Variants in KLF17 observed in about 807,000 individuals in gnomAD.
The protein encoded by KLF17 is KLF transcription factor 17.
Under a neutral mutation model 34.2 loss-of-function variants are expected in KLF17, and 31 were observed. The observed-to-expected ratio is 0.91, with a 90% CI of 0.68 to 1.22. The LOEUF (loss-of-function observed/expected upper bound fraction) is 1.22. Ranked by LOEUF, KLF17 falls within the 50% of genes most tolerant of loss-of-function variation. The probability of loss-of-function intolerance (pLI) is 0.00; values close to 1 mark genes in which losing one functional copy is unlikely to be tolerated. For missense variants in KLF17, 478 were observed against 505.2 expected (o/e 0.95, Z 0.52); for synonymous variants, 179 against 186.7 (o/e 0.96, Z 0.34).
chr1:44,087,724 TTATATATATATATA>T, the KLF17 span, among the ~76,000 whole-genome samples: 4,568 of 75,284 alleles, frequency 0.061, 140 homozygotes, highest in East Asian at 0.11. Context: ...CCTATATATT[TTATATATATATATA>T]TATATATATA....
intron 1 of KLF17, among the ~76,000 whole-genome samples, chr1:44,125,500 C>G (rs547055456): frequency 6.6e-6 from 1 of 152,018 alleles, no homozygotes; most frequent in Non-Finnish European, 1.5e-5. Context: ...ATTTTTGAGA[C>G]GGGGTCTCAC....
At chr1:44,065,157 G>T in the KLF17 span, among the ~76,000 whole-genome samples, 5 of 151,756 alleles carry the variant, frequency 3.3e-5, no homozygotes, top group African/African-American at 1.2e-4. Context: ...GCGTGGTAGC[G>T]CACGCCTGTA....
intron 1 of KLF17, among the ~76,000 whole-genome samples, chr1:44,123,241 G>A (rs1306311054): frequency 1.3e-5 from 2 of 151,774 alleles, no homozygotes; most frequent in East Asian, 3.9e-4. Flanking sequence ...GGGTTTTTTT[G>A]TAGAAATGGG....
chr1:44,058,867 C>T, the KLF17 span, among the ~76,000 whole-genome samples: 1 of 151,408 alleles, frequency 6.6e-6, no homozygotes, highest in African/African-American at 2.4e-5. Context: ...TTCAAAAGGC[C>T]CTCCAAGCCT....
the KLF17 span, among the ~76,000 whole-genome samples, chr1:44,093,263 T>C: frequency 2.0e-5 from 3 of 152,164 alleles, no homozygotes; most frequent in Non-Finnish European, 2.9e-5. Context: ...AAAATACACA[T>C]GTGGGCGTAC....
Position 44,122,458 on chromosome 1 carries a change from A to G in KLF17, c.81+3470A>G, listed in dbSNP as rs537537343. ...CCATGGACCTGTGTTCTGTTCTTCAATGCAATGGTTACAGTTTCATGACTC... is the reference window on the plus strand; with the variant it reads ...CCATGGACCTGTGTTCTGTTCTTCAGTGCAATGGTTACAGTTTCATGACTC... On this transcript the variant is annotated intron_variant, in intron 1 of 3. Transcript: ENST00000372299. 2.9e-4 allele frequency: 351 copies of G among 1,222,036 alleles called. 2 individuals are homozygous for G. In the African/African-American group the frequency reaches 4.6e-3, roughly 16 times the overall value. 75.7% of individuals were successfully genotyped at this position (1,222,036 alleles called of 1,614,324 possible).
the KLF17 span, among the ~76,000 whole-genome samples, chr1:44,087,281 G>C: frequency 6.6e-6 from 1 of 151,956 alleles, no homozygotes; most frequent in Non-Finnish European, 1.5e-5. Context: ...TTGAGATAAG[G>C]TCTTGCTCTG....
the KLF17 span, among the ~76,000 whole-genome samples, chr1:44,082,194 T>C: frequency 6.6e-6 from 1 of 152,146 alleles, no homozygotes. Flanking sequence ...GTACCACAGA[T>C]GAAATAAGTC....
At chr1:44,074,216 T>A in the KLF17 span, among the ~76,000 whole-genome samples, 1 of 152,024 alleles carries the variant, frequency 6.6e-6, no homozygotes, top group East Asian at 1.9e-4. Context: ...TCATCCCCCG[T>A]ACCATCCTCA....
At chr1:44,109,886 T>A in the KLF17 span, among the ~76,000 whole-genome samples, 4 of 147,196 alleles carry the variant, frequency 2.7e-5, no homozygotes, top group Non-Finnish European at 5.9e-5. Context: ...TATACATATA[T>A]CTTTTTTATA....
the KLF17 span, among the ~76,000 whole-genome samples, chr1:44,095,779 G>T: frequency 6.7e-6 from 1 of 149,024 alleles, no homozygotes; most frequent in Non-Finnish European, 1.5e-5. Flanking sequence ...TTGTTTGTTT[G>T]TAGCTATTAT....
At chr1:44,127,664 TTC>T (rs375744324) in intron 1 of KLF17, among the ~76,000 whole-genome samples, 9,638 of 61,032 alleles carry the variant, frequency 0.16, 743 homozygotes, top group Non-Finnish European at 0.2. Context: ...CTTTCTTTCT[TTC>T]TTTCTTTCTT....
the KLF17 span, chr1:44,048,406 C>T: frequency 2.6e-5 from 4 of 152,120 alleles, no homozygotes; most frequent in South Asian, 2.1e-4. Flanking sequence ...GCTAAAAGGA[C>T]GCTTTTGTCA....
At chr1:44,083,913 C>T in the KLF17 span, among the ~76,000 whole-genome samples, 1 of 152,070 alleles carries the variant, frequency 6.6e-6, no homozygotes, top group Non-Finnish European at 1.5e-5. Context: ...GGATCGTCCT[C>T]TCTAGGAAAG....
the KLF17 span, among the ~76,000 whole-genome samples, chr1:44,090,306 CAAAAAAAAAAAAAAA>C: frequency 1.7e-4 from 4 of 23,416 alleles, no homozygotes; most frequent in Non-Finnish European, 2.1e-4. Context: ...CTTGTCTCTA[CAAAAAAAAAAAAAAA>C]AAAAAAAAAA....
At chr1:44,101,188 A>T in the KLF17 span, among the ~76,000 whole-genome samples, 2 of 152,140 alleles carry the variant, frequency 1.3e-5, no homozygotes, top group Non-Finnish European at 2.9e-5. Context: ...CTATCTACCT[A>T]CCTACCTATA....
In KLF17 at chr1:44,130,020, T is replaced by C. The variant is rs765119923; in HGVS notation, c.749T>C (p.Phe250Ser). ...VSQPDSQEGP[F>S]LPEQPGPAPQ... ...CAGCCAGACTCTCAAGAAGGCCCAT[T>C]TCTACCAGAGCAGCCCGGACCTGCT... Residue 250 changes from phenylalanine (F) to serine (S), a missense_variant, in exon 2 of 4, where the codon TTT (phenylalanine) becomes TCT (serine). Physicochemically the swap from Phe to Ser is radical, Grantham distance 155. Coordinates refer to ENST00000372299, the MANE Select transcript of KLF17 (RefSeq NM_173484.4). 1 of 1,614,190 alleles carries C rather than the reference T, an allele frequency of 6.2e-7. No individual in the cohort carries two copies. Among genetic ancestry groups the C allele is most frequent in the Admixed American group, 1.7e-5 (1 of 60,010 alleles).
chr1:44,123,743 T>G (rs1204495787), intron 1 of KLF17, among the ~76,000 whole-genome samples: 2 of 152,138 alleles, frequency 1.3e-5, no homozygotes, highest in Non-Finnish European at 2.9e-5. Flanking sequence ...TCCCATTAGT[T>G]TTGATAGTTA....
At chr1:44,096,815 GA>G in the KLF17 span, among the ~76,000 whole-genome samples, 1 of 152,102 alleles carries the variant, frequency 6.6e-6, no homozygotes, top group Non-Finnish European at 1.5e-5. Context: ...TTCCTGTTCA[GA>G]AGCTCTTTAG....
Sources: gnomAD v4.1 joint callset for allele counts (sites outside exome capture counted in the v4.1 genomes callset) on GRCh38, gnomAD v4.1.1 for gene constraint, MANE v1.5 for transcripts, NCBI Gene and HGNC (gene_info 2026-07-23, HGNC 2026-07-21) for gene names.